SENP6: variants seen among roughly 807,000 people sequenced by gnomAD.
SENP6 encodes the protein sentrin-specific protease 6.
In SENP6, 41 loss-of-function variants were observed where a neutral mutation model predicts 134.5. That is an observed-to-expected ratio of 0.30 (90% CI 0.24 to 0.40). The LOEUF (loss-of-function observed/expected upper bound fraction) is 0.40, where lower values mean the gene tolerates loss of function less well. Ranked by LOEUF, SENP6 falls within the 10% of genes least tolerant of loss-of-function variation. The pLI, the probability that SENP6 is intolerant of heterozygous loss-of-function variation, is 1.00. For synonymous variants in SENP6, 395 were observed against 429.8 expected (o/e 0.92, Z 1.00); for missense variants, 1,248 against 1,312.5 (o/e 0.95, Z 0.76).
At chr6:75,652,509 T>C (rs1337157233) in intron 7 of SENP6, among the ~76,000 whole-genome samples, 3 of 151,538 alleles carry the variant, frequency 2.0e-5, no homozygotes, top group African/African-American at 7.3e-5. Flanking sequence ...ACAAATGATA[T>C]ACAGATTTTT....
At chr6:75,646,042 A>T (rs72886846) in intron 6 of SENP6, among the ~76,000 whole-genome samples, 40,134 of 152,226 alleles carry the variant, frequency 0.26, 6,236 homozygotes, top group Non-Finnish European at 0.37. Context: ...CTATACATGC[A>T]TGTATGATTT....
intron 1 of SENP6, among the ~76,000 whole-genome samples, chr6:75,618,913 C>T (rs1019473772): frequency 2.7e-4 from 41 of 151,668 alleles, no homozygotes; most frequent in Non-Finnish European, 5.3e-4. Flanking sequence ...AGACTTATTT[C>T]CTCCTGTTCA....
chr6:75,706,675 G>C (rs998770979), intron 19 of SENP6, among the ~76,000 whole-genome samples: 1 of 150,604 alleles, frequency 6.6e-6, no homozygotes, highest in African/African-American at 2.4e-5. Flanking sequence ...TTTTTGTTTT[G>C]TTTTTAGTAT....
chr6:75,628,907 T>A (rs1040992684), intron 3 of SENP6, among the ~76,000 whole-genome samples: 1 of 151,988 alleles, frequency 6.6e-6, no homozygotes, highest in Admixed American at 6.6e-5. Flanking sequence ...TTTAGTAGTT[T>A]TAGTGGTTTT....
chr6:75,696,350 T>G (rs1278734979), intron 17 of SENP6, among the ~76,000 whole-genome samples: 1 of 152,228 alleles, frequency 6.6e-6, no homozygotes, highest in Non-Finnish European at 1.5e-5. Context: ...TACAGATTAC[T>G]CTGTTTTATC....
In SENP6 at chr6:75,602,579, AC is replaced by A; in HGVS notation, c.52+4del. 1 of 1,551,312 alleles carries A rather than the reference AC, an allele frequency of 6.4e-7. No individual in the cohort carries two copies. Among genetic ancestry groups the A allele is most frequent in the African/African-American group, 1.4e-5 (1 of 73,156 alleles). On this transcript the variant is annotated splice_donor_region_variant and intron_variant, in intron 1 of 23. Coordinates refer to ENST00000447266, the MANE Select transcript of SENP6 (RefSeq NM_015571.4). ...AGGGGAGATTACTTTTCTGGAAGGT[AC>A]GTCTGTTTCTGCCCTTGACGGGGAG...
intron 7 of SENP6, among the ~76,000 whole-genome samples, chr6:75,648,840 A>G (rs1770648374): frequency 6.6e-6 from 1 of 152,156 alleles, no homozygotes; most frequent in South Asian, 2.1e-4. Flanking sequence ...TAAGCTAAAA[A>G]ACTTCCTCAA....
chr6:75,694,220 C>T (rs935456260), intron 16 of SENP6, among the ~76,000 whole-genome samples: 4 of 152,226 alleles, frequency 2.6e-5, no homozygotes, highest in African/African-American at 9.6e-5. Flanking sequence ...CATGCCATTG[C>T]ACTCCAGCCT....
intron 19 of SENP6, among the ~76,000 whole-genome samples, chr6:75,703,455 ACTG>A (rs1343792449): frequency 6.6e-6 from 1 of 152,156 alleles, no homozygotes; most frequent in Admixed American, 6.5e-5. Context: ...TGTAATCACT[ACTG>A]CAATCAAAAT....
At chr6:75,698,935 C>T (rs554561457) in intron 18 of SENP6, among the ~76,000 whole-genome samples, 15 of 150,836 alleles carry the variant, frequency 9.9e-5, no homozygotes, top group Admixed American at 6.6e-4. Flanking sequence ...CGCCTGAACC[C>T]GGGAGGCAGA....
chr6:75,645,031 A>G (rs1770325377), intron 6 of SENP6, among the ~76,000 whole-genome samples: 3 of 152,232 alleles, frequency 2.0e-5, no homozygotes, highest in African/African-American at 7.2e-5. Context: ...TATTTAAACA[A>G]TTCAGGATAG....
intron 3 of SENP6, among the ~76,000 whole-genome samples, chr6:75,632,346 T>C (rs1288322974): frequency 4.6e-5 from 7 of 152,188 alleles, no homozygotes; most frequent in Non-Finnish European, 7.3e-5. Flanking sequence ...TGTAGTATTT[T>C]TGGATAAGTC....
At chr6:75,634,237 T>G (rs1769331008) in intron 4 of SENP6, among the ~76,000 whole-genome samples, 1 of 152,162 alleles carries the variant, frequency 6.6e-6, no homozygotes, top group Non-Finnish European at 1.5e-5. Context: ...AAAAGCTCAG[T>G]AACTTTCAAG....
intron 18 of SENP6, among the ~76,000 whole-genome samples, chr6:75,701,286 G>GA (rs1366024720): frequency 6.6e-6 from 1 of 152,110 alleles, no homozygotes; most frequent in Non-Finnish European, 1.5e-5. Flanking sequence ...AGCAAAAAAT[G>GA]AATATTAGCC....
At chr6:75,687,225 G>A (rs1028442845) in intron 16 of SENP6, among the ~76,000 whole-genome samples, 2 of 152,118 alleles carry the variant, frequency 1.3e-5, no homozygotes, top group African/African-American at 4.8e-5. Flanking sequence ...TGAAGTTCTT[G>A]TGCAATGGTT....
intron 7 of SENP6, among the ~76,000 whole-genome samples, chr6:75,649,544 G>T (rs1423639130): frequency 6.6e-6 from 1 of 152,106 alleles, no homozygotes; most frequent in East Asian, 1.9e-4. Flanking sequence ...TTGAGATGGG[G>T]TCTCACTCTG....
At chr6:75,674,317 C>T (rs930366187) in intron 11 of SENP6, among the ~76,000 whole-genome samples, 5 of 151,786 alleles carry the variant, frequency 3.3e-5, no homozygotes, top group African/African-American at 1.2e-4. Context: ...CCATCTATAC[C>T]TAGGTAAGTT....
At chr6:75,672,834 A>AT (rs1772783517) in intron 11 of SENP6, among the ~76,000 whole-genome samples, 1 of 151,828 alleles carries the variant, frequency 6.6e-6, no homozygotes, top group African/African-American at 2.4e-5. Context: ...GTATTTATTT[A>AT]TTTTTTGTTT....
chr6:75,674,840 C>T (rs1300265296), intron 11 of SENP6, among the ~76,000 whole-genome samples: 1 of 152,084 alleles, frequency 6.6e-6, no homozygotes, highest in African/African-American at 2.4e-5. Flanking sequence ...TATATAACTC[C>T]CCGCTAAATT....
Sources: gnomAD v4.1 joint callset for allele counts (sites outside exome capture counted in the v4.1 genomes callset) on GRCh38, gnomAD v4.1.1 for gene constraint, MANE v1.5 for transcripts, NCBI Gene and HGNC (gene_info 2026-07-23, HGNC 2026-07-21) for gene names.